CEP112: variants seen among roughly 807,000 people sequenced by gnomAD.
CEP112 encodes centrosomal protein 112.
A neutral mutation model predicts 153.0 loss-of-function variants in CEP112; 127 were observed. The ratio of observed to expected loss-of-function variants is 0.83; its 90% confidence interval spans 0.72 to 0.96. The LOEUF is 0.96. CEP112 is among the 40% of genes least tolerant of loss of function. The pLI, the probability that CEP112 is intolerant of heterozygous loss-of-function variation, is 0.00. For synonymous variants in CEP112, 358 were observed against 374.4 expected (o/e 0.96, Z 0.51); for missense variants, 1,089 against 1,101.2 (o/e 0.99, Z 0.16).
At position 65,967,352 on chromosome 17, in the gene CEP112, G is replaced by C. The variant is rs1237852689; in HGVS notation, c.1737-5754C>G. On this transcript the variant is annotated intron_variant, in intron 17 of 26. Coordinates refer to ENST00000535342, the MANE Select transcript of CEP112 (RefSeq NM_001199165.4). ...ACTGGATTTGAATCATAATTCAAAA[G>C]AACTAGTTCTGGCATCAACTTTGTA... is the stretch of plus-strand genomic sequence containing the variant. 3.9e-5 allele frequency among the ~76,000 whole-genome samples: 6 copies of C among 152,198 alleles called. No individual in the cohort carries two copies. In the East Asian group the frequency reaches 1.2e-3, roughly 29 times the overall value.
intron 1 of CEP112, among the ~76,000 whole-genome samples, chr17:66,184,090 CA>C (rs200347730): frequency 1.6e-4 from 24 of 147,494 alleles, no homozygotes; most frequent in African/African-American, 5.0e-4. Context: ...CTCTACAAAA[CA>C]AAAAAAAAAT....
chr17:65,923,536 C>T (rs914258662), intron 19 of CEP112, among the ~76,000 whole-genome samples: 2 of 152,062 alleles, frequency 1.3e-5, no homozygotes, highest in African/African-American at 2.4e-5. Context: ...CAGAGCAAGA[C>T]CCCATCTCTA....
intron 21 of CEP112, among the ~76,000 whole-genome samples, chr17:65,789,567 G>A (rs2054478839): frequency 6.6e-6 from 1 of 151,982 alleles, no homozygotes; most frequent in African/African-American, 2.4e-5. Flanking sequence ...TTATGCCTCT[G>A]TGAACACCAG....
chr17:66,074,114 C>T (rs1396560468), intron 8 of CEP112, among the ~76,000 whole-genome samples: 15 of 151,754 alleles, frequency 9.9e-5, no homozygotes, highest in Non-Finnish European at 1.0e-4. Context: ...AATGAAAGAA[C>T]GGATAAGGGA....
At chr17:66,043,219 T>A in intron 12 of CEP112, 1 of 208,550 alleles carries the variant, frequency 4.8e-6, no homozygotes, top group Non-Finnish European at 8.4e-6. Flanking sequence ...ATTGTGAATG[T>A]AGTCATCAGA....
intron 24 of CEP112, among the ~76,000 whole-genome samples, chr17:65,665,068 G>A (rs1390645358): frequency 6.6e-6 from 1 of 152,224 alleles, no homozygotes; most frequent in African/African-American, 2.4e-5. Flanking sequence ...ACCTTCCAAA[G>A]GCCCCATCTC....
intron 8 of CEP112, among the ~76,000 whole-genome samples, chr17:66,076,605 T>C (rs1290911638): frequency 6.6e-6 from 1 of 152,146 alleles, no homozygotes; most frequent in Non-Finnish European, 1.5e-5. Flanking sequence ...CCCCACCTGC[T>C]GGGCCTTCCC....
intron 17 of CEP112, among the ~76,000 whole-genome samples, chr17:65,964,358 T>G (rs1038817718): frequency 1.3e-5 from 2 of 152,222 alleles, no homozygotes; most frequent in Middle Eastern, 3.2e-3. Flanking sequence ...TATGAAAGAC[T>G]GAGCACTCTG....
chr17:65,690,632 G>C (rs1452401500), intron 23 of CEP112, among the ~76,000 whole-genome samples: 2 of 152,086 alleles, frequency 1.3e-5, no homozygotes, highest in African/African-American at 4.8e-5. Flanking sequence ...CCAGCTGGGC[G>C]AAGACCTGAA....
In CEP112 at chr17:65,686,134, T is replaced by C. The variant is rs868414134; in HGVS notation, c.2697+2995A>G. Reference sequence around the variant, plus strand: ...CTGGCTTTTTTTTTTTTTTTTTTTTTCAGCTACATCCTAGGACCTTGTGGA... The same window carrying C: ...CTGGCTTTTTTTTTTTTTTTTTTTTCCAGCTACATCCTAGGACCTTGTGGA... On this transcript the variant is annotated intron_variant, in intron 24 of 26. Coordinates refer to ENST00000535342, the MANE Select transcript of CEP112 (RefSeq NM_001199165.4). Among the ~76,000 whole-genome samples, 734 of 111,274 alleles carry C rather than the reference T, an allele frequency of 6.6e-3. 9 individuals carry two copies. Among genetic ancestry groups the C allele is most frequent in the African/African-American group, 0.025 (678 of 27,416 alleles). The allele number at this position is 111,274 out of a possible 152,430, so 73.0% of individuals were successfully genotyped here. A position where few individuals can be genotyped will look rare whatever the true frequency, so the allele number is the denominator to read the frequency against.
chr17:66,175,160 T>A lies in CEP112; in HGVS notation c.354A>T (p.Gly118=), dbSNP rs1258436450. 6.2e-7 allele frequency: 1 copy of A among 1,613,270 alleles called. No individual in the cohort carries two copies. The highest frequency in any genetic ancestry group is 8.5e-7 in the Non-Finnish European group (1 of 1,179,658). The change falls in exon 4 of 27, where the codon GGA becomes GGT. Residue 118 remains glycine (G), a synonymous_variant. Transcript: ENST00000535342. ...GCTCACCCAGTACCCAGGCTGGTAA[T>A]CCCTCTGGGCTTGAACCTTTTGCTC... The part of the protein sequence containing the change: ...PARAKGSSPE[G]LPAWVLGELE...
chr17:65,994,960 A>G (rs1260451509), intron 17 of CEP112, among the ~76,000 whole-genome samples: 2 of 151,910 alleles, frequency 1.3e-5, no homozygotes, highest in African/African-American at 4.8e-5. Flanking sequence ...TGAACTAAAC[A>G]TCTTTCATGT....
In CEP112 at chr17:65,917,610, C is replaced by T. The variant is rs545256688; in HGVS notation, c.1980+9972G>A. Among the ~76,000 whole-genome samples, 19 of 152,252 alleles carry T rather than the reference C, an allele frequency of 1.2e-4. No individual in the cohort carries two copies. In the East Asian group the frequency reaches 3.5e-3, roughly 28 times the overall value. ...CAGTCTCAGCAAATGATTTTGCCGC[C>T]TATCTGACAAAGAAAAACCTCAGTA... On this transcript the variant is annotated intron_variant, in intron 19 of 26. Coordinates refer to ENST00000535342, the MANE Select transcript of CEP112 (RefSeq NM_001199165.4).
At chr17:65,900,973 A>T (rs1016295707) in intron 20 of CEP112, among the ~76,000 whole-genome samples, 14 of 152,220 alleles carry the variant, frequency 9.2e-5, no homozygotes, top group African/African-American at 3.1e-4. Context: ...TGTGCTGTGT[A>T]TATTCATATT....
intron 24 of CEP112, among the ~76,000 whole-genome samples, chr17:65,660,460 CT>C (rs2046323973): frequency 2.6e-5 from 2 of 78,256 alleles, no homozygotes; most frequent in South Asian, 1.4e-3. Context: ...TCTTCTCTCT[CT>C]CCTTCCTTCC....
rs1362808164 is a variant in CEP112 at position 66,066,771 on chromosome 17, A to C, written c.955+7T>G. On this transcript the variant is annotated splice_region_variant and intron_variant, in intron 10 of 26. Coordinates refer to ENST00000535342, the MANE Select transcript of CEP112 (RefSeq NM_001199165.4). The stretch of plus-strand genomic sequence containing the variant: ...ATTAAAAGATGTATGTAACAACACA[A>C]CATCACCTTTCTTTTCAAGCTTTCT... 6.7e-7 allele frequency: 1 copy of C among 1,496,282 alleles called. No individual in the cohort carries two copies. Among genetic ancestry groups the C allele is most frequent in the African/African-American group, 1.4e-5 (1 of 69,374 alleles). The allele number at this position is 1,496,282 out of a possible 1,614,324, so 92.7% of individuals were successfully genotyped here.
chr17:65,773,192 T>C (rs1019216753), intron 21 of CEP112, among the ~76,000 whole-genome samples: 1 of 152,210 alleles, frequency 6.6e-6, no homozygotes, highest in Non-Finnish European at 1.5e-5. Context: ...TGAGGAAGCA[T>C]GGTAGGTAGA....
intron 20 of CEP112, among the ~76,000 whole-genome samples, chr17:65,885,385 A>AT (rs1270371803): frequency 6.6e-6 from 1 of 152,198 alleles, no homozygotes; most frequent in Non-Finnish European, 1.5e-5. Flanking sequence ...GACGATGTTG[A>AT]AATCTGCTTT....
intron 20 of CEP112, among the ~76,000 whole-genome samples, chr17:65,857,550 A>G (rs2058167241): frequency 6.6e-6 from 1 of 152,212 alleles, no homozygotes; most frequent in African/African-American, 2.4e-5. Context: ...AATGTTTATT[A>G]TTTCAATGCA....
Sources: gnomAD v4.1 joint callset for allele counts (sites outside exome capture counted in the v4.1 genomes callset) on GRCh38, gnomAD v4.1.1 for gene constraint, MANE v1.5 for transcripts, NCBI Gene and HGNC (gene_info 2026-07-23, HGNC 2026-07-21) for gene names.